Variants in PIK3C3 observed in about 807,000 individuals in gnomAD.
PIK3C3 encodes PI3-kinase type 3.
A neutral mutation model predicts 126.1 loss-of-function variants in PIK3C3; 95 were observed. The observed-to-expected ratio is 0.75, with a 90% CI of 0.64 to 0.89. PIK3C3 has a LOEUF of 0.89. PIK3C3 is among the 40% of genes least tolerant of loss of function. The pLI is 0.00. For missense variants in PIK3C3, 829 were observed against 1,063.2 expected, an observed-to-expected ratio of 0.78 and a Z score of 3.06; for synonymous variants, 374 against 360.0, an observed-to-expected ratio of 1.04 and a Z score of -0.44.
At chr18:42,044,720 T>A (rs1297127279) in intron 20 of PIK3C3, among the ~76,000 whole-genome samples, 1 of 152,192 alleles carries the variant, frequency 6.6e-6, no homozygotes, top group Non-Finnish European at 1.5e-5. Context: ...ATCCCCAGCA[T>A]GTTTATTTTT....
intron 21 of PIK3C3, among the ~76,000 whole-genome samples, chr18:42,053,373 G>T (rs1395508318): frequency 1.3e-5 from 2 of 152,190 alleles, no homozygotes; most frequent in Non-Finnish European, 2.9e-5. Flanking sequence ...AGCTTGCACA[G>T]CAGAGGGCGC....
rs935792584 is a variant in PIK3C3, at chr18:42,084,884, AG to A, written c.*3748del. The A allele has an allele frequency of 4.6e-5, 7 of 152,214 alleles. No homozygotes were observed. The highest frequency in any genetic ancestry group is 1.7e-4 in the African/African-American group (7 of 41,438). 9.4% of individuals were successfully genotyped at this position (152,214 alleles called of 1,614,324 possible). On this transcript the variant is annotated 3_prime_UTR_variant, in exon 25 of 25. Coordinates refer to ENST00000262039, the MANE Select transcript of PIK3C3 (RefSeq NM_002647.4). Reference sequence around the variant, plus strand: ...ATTCCGATGCCTGCTAGATTTAACCAGTAGATGAGATGTTAAGTTATCCTGT... The same window carrying A: ...ATTCCGATGCCTGCTAGATTTAACCATAGATGAGATGTTAAGTTATCCTGT...
Position 42,085,364 on chromosome 18 carries a change from A to G in PIK3C3, c.*4227A>G, listed in dbSNP as rs1986377772. ...CATATACTTTATATGGAATATGAAC[A>G]ACTTTAATATGAATAAATAGTCTAG... On this transcript the variant is annotated 3_prime_UTR_variant, in exon 25 of 25. Coordinates refer to ENST00000262039, the MANE Select transcript of PIK3C3 (RefSeq NM_002647.4). 6.6e-6 allele frequency: 1 copy of G among 152,208 alleles called. No homozygotes were observed. The highest frequency in any genetic ancestry group is 2.4e-5 in the African/African-American group (1 of 41,472). 9.4% of individuals were successfully genotyped at this position (152,208 alleles called of 1,614,324 possible).
At chr18:42,017,130 C>T (rs1983110621) in intron 12 of PIK3C3, among the ~76,000 whole-genome samples, 1 of 151,942 alleles carries the variant, frequency 6.6e-6, no homozygotes, top group African/African-American at 2.4e-5. Context: ...TTCTATCTTC[C>T]CCTATCCCTT....
chr18:42,033,690 A>C (rs371210103), intron 15 of PIK3C3, 136 bp from the exon 16 acceptor site: 1 of 552,570 alleles, frequency 1.8e-6, no homozygotes, highest in African/African-American at 2.0e-5. Context: ...CTCACATACA[A>C]CACCATCTCC....
chr18:42,027,830 T>G (rs1167664597), intron 14 of PIK3C3, among the ~76,000 whole-genome samples: 1 of 152,034 alleles, frequency 6.6e-6, no homozygotes, highest in Non-Finnish European at 1.5e-5. Flanking sequence ...AATTTTTGTA[T>G]TTTTAGTAGA....
intron 9 of PIK3C3, among the ~76,000 whole-genome samples, chr18:41,997,436 T>C (rs1982080859): frequency 6.6e-6 from 1 of 152,052 alleles, no homozygotes; most frequent in African/African-American, 2.4e-5. Context: ...CTTTGGACAC[T>C]TAGTCTTGAG....
intron 2 of PIK3C3, among the ~76,000 whole-genome samples, chr18:41,962,266 T>G (rs192812194): frequency 2.0e-5 from 3 of 152,312 alleles, no homozygotes; most frequent in Admixed American, 2.0e-4. Context: ...ATTAAAAAAT[T>G]TAACAGAGCT....
intron 24 of PIK3C3, among the ~76,000 whole-genome samples, chr18:42,076,145 CGCAT>C (rs1273844216): frequency 0.013 from 349 of 26,194 alleles, 5 homozygotes; most frequent in East Asian, 0.063. Context: ...TATATATATG[CGCAT>C]ATATATATAT....
At position 41,994,604 on chromosome 18, in the gene PIK3C3, T is replaced by C. The variant is rs559927677; in HGVS notation, c.786+1263T>C. On this transcript the variant is annotated intron_variant, in intron 7 of 24. Transcript: ENST00000262039. ...TCCAAGTATGCATGGAAATCTAGTA[T>C]ATGATATAGGTGGCATTTCTTCACT... Among the ~76,000 whole-genome samples the C allele has an allele frequency of 2.6e-5, 4 of 152,232 alleles. No individual in the cohort carries two copies. The South Asian group carries it at 8.3e-4, about 32-fold the overall frequency.
chr18:41,987,707 A>G lies in PIK3C3; in HGVS notation c.532-105A>G, dbSNP rs548711889. The G allele has an allele frequency of 7.1e-6, 5 of 700,266 alleles. No individual in the cohort carries two copies. The South Asian group carries it at 7.2e-5, about 10-fold the overall frequency. The allele number at this position is 700,266 out of a possible 1,614,324, so 43.4% of individuals were successfully genotyped here. A position where few individuals can be genotyped will look rare whatever the true frequency, so the allele number is the denominator to read the frequency against. On this transcript the variant is annotated intron_variant, in intron 4 of 24. Coordinates refer to ENST00000262039, the MANE Select transcript of PIK3C3 (RefSeq NM_002647.4). ...TAATTGCGTATGGTTTCTATTGTGTATAGGAAAGTATCATATGTGAAGTGT... is the reference window on the plus strand; with the variant it reads ...TAATTGCGTATGGTTTCTATTGTGTGTAGGAAAGTATCATATGTGAAGTGT...
chr18:41,980,379 T>C (rs1159821586), intron 4 of PIK3C3, among the ~76,000 whole-genome samples: 7 of 152,174 alleles, frequency 4.6e-5, no homozygotes, highest in African/African-American at 1.7e-4. Flanking sequence ...CAACTGCCCT[T>C]AGTTATGATG....
chr18:42,049,455 A>G (rs931062289), intron 20 of PIK3C3, 76 bp from the exon 21 acceptor site: 19 of 1,035,184 alleles, frequency 1.8e-5, no homozygotes, highest in Non-Finnish European at 2.4e-5. Context: ...AGTTGCACAA[A>G]CTGCTTTTAT....
At chr18:41,962,774 C>A in intron 3 of PIK3C3, 142 bp downstream of exon 3, 1 of 594,394 alleles carries the variant, frequency 1.7e-6, no homozygotes, top group Non-Finnish European at 2.7e-6. Flanking sequence ...TCATTCCTTA[C>A]ACTGATTTTA....
At chr18:41,970,761 G>A in intron 4 of PIK3C3, 1 of 539,152 alleles carries the variant, frequency 1.9e-6, no homozygotes, top group East Asian at 3.1e-5. Context: ...CCTGCAGTTA[G>A]TTCCAGGCAA....
At position 42,079,998 on chromosome 18, in the gene PIK3C3, A is replaced by T. The variant is rs866188864; in HGVS notation, c.2650-1125A>T. 5.1e-3 allele frequency among the ~76,000 whole-genome samples: 706 copies of T among 137,392 alleles called. 7 individuals carry two copies. The highest frequency in any genetic ancestry group is 0.015 in the African/African-American group (587 of 38,102). The allele number at this position is 137,392 out of a possible 152,430, so 90.1% of individuals were successfully genotyped here. ...GTGTGTGTGTGTATGTAAGAGAGAG[A>T]GTGTGTGTGTGTGTGTGTGTGTGTG... On this transcript the variant is annotated intron_variant, in intron 24 of 24. Coordinates refer to ENST00000262039, the MANE Select transcript of PIK3C3 (RefSeq NM_002647.4).
At chr18:42,023,676 G>A (rs938533873) in intron 13 of PIK3C3, among the ~76,000 whole-genome samples, 5 of 152,132 alleles carry the variant, frequency 3.3e-5, no homozygotes, top group Non-Finnish European at 7.4e-5. Flanking sequence ...TGAATGTAAG[G>A]TAACAATAAG....
At chr18:41,995,765 A>G (rs1981995511) in intron 7 of PIK3C3, 125 bp from the exon 8 acceptor site, 1 of 677,490 alleles carries the variant, frequency 1.5e-6, no homozygotes. Context: ...AGACTGCTAA[A>G]GTTGTATCAG....
At chr18:42,043,579 C>T (rs565830133) in intron 19 of PIK3C3, among the ~76,000 whole-genome samples, 154 bp from the exon 20 acceptor site, 17 of 152,104 alleles carry the variant, frequency 1.1e-4, no homozygotes, top group Non-Finnish European at 2.2e-4. Flanking sequence ...GTATTTATCG[C>T]ACTCTTACAA....
Sources: allele counts gnomAD v4.1 joint callset (sites outside exome capture counted in the v4.1 genomes callset), GRCh38; gene constraint gnomAD v4.1.1; transcripts MANE v1.5; gene names NCBI Gene and HGNC (gene_info 2026-07-23, HGNC 2026-07-21).